METTL15: variants seen among roughly 807,000 people sequenced by gnomAD.
METTL15 encodes the protein 12S rRNA N(4)-cytidine methyltransferase METTL15.
METTL15 carries 34 observed loss-of-function variants against 38.3 expected under a neutral mutation model. The ratio of observed to expected loss-of-function variants is 0.89; its 90% CI spans 0.68 to 1.18. METTL15 has a LOEUF of 1.18. Ranked by LOEUF, METTL15 falls within the 50% of genes most tolerant of loss-of-function variation. The pLI, the probability that METTL15 is intolerant of heterozygous loss-of-function variation, is 0.00. For missense variants in METTL15, 438 were observed against 498.4 expected (o/e 0.88, Z 1.15); for synonymous variants, 162 against 170.9 (o/e 0.95, Z 0.41).
chr11:28,396,773 T>G (rs1286156062), intron 5 of METTL15, among the ~76,000 whole-genome samples: 1 of 151,974 alleles, frequency 6.6e-6, no homozygotes, highest in Non-Finnish European at 1.5e-5. Context: ...AAAAGAGCCC[T>G]CATTGCCAAG....
intron 6 of METTL15, among the ~76,000 whole-genome samples, chr11:28,323,824 C>A (rs1229399250): frequency 6.6e-6 from 1 of 152,144 alleles, no homozygotes; most frequent in African/African-American, 2.4e-5. Flanking sequence ...TTAAAATACA[C>A]CACCATCAAC....
At chr11:28,121,486 A>T (rs1852229557) in intron 3 of METTL15, among the ~76,000 whole-genome samples, 1 of 152,150 alleles carries the variant, frequency 6.6e-6, no homozygotes, top group African/African-American at 2.4e-5. Flanking sequence ...CTTCTAATAA[A>T]CCTTAAAAGG....
chr11:28,339,993 C>T (rs982290445), intron 3 of METTL15, among the ~76,000 whole-genome samples: 1 of 151,990 alleles, frequency 6.6e-6, no homozygotes, highest in Non-Finnish European at 1.5e-5. Flanking sequence ...TAAGAGTAAA[C>T]AATCATGAGA....
chr11:28,511,703 T>C (rs1851675890), intron 6 of METTL15, among the ~76,000 whole-genome samples: 1 of 152,190 alleles, frequency 6.6e-6, no homozygotes, highest in Admixed American at 6.5e-5. Context: ...GGAGTGAAGC[T>C]GCAGACCTTT....
At chr11:28,246,797 A>C (rs1348867047) in intron 4 of METTL15, among the ~76,000 whole-genome samples, 1 of 152,158 alleles carries the variant, frequency 6.6e-6, no homozygotes, top group East Asian at 1.9e-4. Context: ...ACCATATTTG[A>C]GAACTGCACT....
At chr11:28,512,540 G>T (rs2133501885) in intron 6 of METTL15, among the ~76,000 whole-genome samples, 1 of 152,314 alleles carries the variant, frequency 6.6e-6, no homozygotes, top group Non-Finnish European at 1.5e-5. Context: ...GCACTGCTGG[G>T]GGACCCAGTA....
intron 4 of METTL15, among the ~76,000 whole-genome samples, chr11:28,234,111 A>G (rs886379003): frequency 1.3e-5 from 2 of 152,110 alleles, no homozygotes; most frequent in African/African-American, 2.4e-5. Context: ...AATTTCATGC[A>G]TGTCCCTACA....
At chr11:28,172,507 T>C (rs915135532) in intron 3 of METTL15, among the ~76,000 whole-genome samples, 2 of 152,228 alleles carry the variant, frequency 1.3e-5, no homozygotes, top group African/African-American at 4.8e-5. Flanking sequence ...TTTTCTTTAC[T>C]TCATTCCTGT....
At chr11:28,228,247 C>A (rs544827034) in intron 4 of METTL15, among the ~76,000 whole-genome samples, 1 of 152,014 alleles carries the variant, frequency 6.6e-6, no homozygotes, top group Non-Finnish European at 1.5e-5. Context: ...TAGTATCTGA[C>A]TGCTCTTTTC....
At chr11:28,257,705 C>T (rs1271597134) in intron 4 of METTL15, among the ~76,000 whole-genome samples, 1 of 152,148 alleles carries the variant, frequency 6.6e-6, no homozygotes, top group Non-Finnish European at 1.5e-5. Context: ...ATGCCAATTG[C>T]ATTTTTCAGC....
intron 3 of METTL15, among the ~76,000 whole-genome samples, chr11:28,156,259 G>C (rs1480068606): frequency 5.3e-5 from 8 of 152,104 alleles, no homozygotes; most frequent in African/African-American, 1.9e-4. Context: ...TAGGAGTTGA[G>C]GACCTGAAAT....
intron 5 of METTL15, among the ~76,000 whole-genome samples, chr11:28,367,287 T>A (rs1316410364): frequency 6.7e-6 from 1 of 149,428 alleles, no homozygotes; most frequent in African/African-American, 2.4e-5. Context: ...GGAAAAAAGA[T>A]ATTATGAGCT....
chr11:28,290,042 G>A (rs1014410276), intron 4 of METTL15, among the ~76,000 whole-genome samples, 164 bp from the exon 5 acceptor site: 2 of 152,118 alleles, frequency 1.3e-5, no homozygotes, highest in Non-Finnish European at 2.9e-5. Flanking sequence ...AACCCAAGAT[G>A]TATAGTTTCC....
At chr11:28,516,615 T>G (rs1471994486) in intron 6 of METTL15, among the ~76,000 whole-genome samples, 1 of 152,186 alleles carries the variant, frequency 6.6e-6, no homozygotes, top group Non-Finnish European at 1.5e-5. Flanking sequence ...TAAGATGCCC[T>G]TGAGGAACAT....
intron 5 of METTL15, among the ~76,000 whole-genome samples, chr11:28,395,843 C>G (rs1447931452): frequency 6.6e-6 from 1 of 152,078 alleles, no homozygotes; most frequent in Non-Finnish European, 1.5e-5. Flanking sequence ...TGCAAAAATC[C>G]TCAATAACAT....
At chr11:28,484,109 T>A (rs943755339) in intron 6 of METTL15, among the ~76,000 whole-genome samples, 3 of 152,158 alleles carry the variant, frequency 2.0e-5, no homozygotes, top group African/African-American at 7.2e-5. Context: ...GTGATGGTGA[T>A]GATAATAATG....
At chr11:28,382,589 T>A (rs901157606) in intron 5 of METTL15, among the ~76,000 whole-genome samples, 13 of 152,016 alleles carry the variant, frequency 8.6e-5, no homozygotes, top group Admixed American at 2.0e-4. Flanking sequence ...ATCCCAGCAC[T>A]TTGGGAAGCT....
intron 4 of METTL15, among the ~76,000 whole-genome samples, chr11:28,258,281 T>C (rs1022384914): frequency 7.9e-5 from 12 of 152,184 alleles, no homozygotes; most frequent in Admixed American, 1.3e-4. Context: ...TGGTGTGATA[T>C]AAGCATCACT....
At chr11:28,487,545 C>G (rs1027666042) in intron 6 of METTL15, among the ~76,000 whole-genome samples, 2 of 152,118 alleles carry the variant, frequency 1.3e-5, no homozygotes, top group Non-Finnish European at 2.9e-5. Flanking sequence ...GGCATATGAT[C>G]ACAGTTTTCA....
Sources: allele counts gnomAD v4.1 joint callset (sites outside exome capture counted in the v4.1 genomes callset), GRCh38; gene constraint gnomAD v4.1.1; transcripts MANE v1.5; gene names NCBI Gene and HGNC (gene_info 2026-07-23, HGNC 2026-07-21).